The following PCDHGA4 variants were observed in gnomAD, a reference collection of about 807,000 sequenced individuals.
PCDHGA4 encodes protocadherin gamma-A4.
In PCDHGA4, 38 loss-of-function variants were observed where a neutral mutation model predicts 54.6. The ratio of observed to expected loss-of-function variants is 0.70; its 90% CI spans 0.54 to 0.91. PCDHGA4 has a LOEUF of 0.91. PCDHGA4 is among the 40% of genes least tolerant of loss of function. The probability of loss-of-function intolerance (pLI) is 0.00; values close to 1 mark genes in which losing one functional copy is unlikely to be tolerated. For synonymous variants in PCDHGA4, 511 were observed against 512.9 expected (o/e 1.00, Z 0.05); for missense variants, 1,298 against 1,220.9 (o/e 1.06, Z -0.94).
At chr5:141,402,491 A>T (rs1186098298) in intron 1 of PCDHGA4, among the ~76,000 whole-genome samples, 1 of 152,242 alleles carries the variant, frequency 6.6e-6, no homozygotes, top group Non-Finnish European at 1.5e-5. Flanking sequence ...TCTACCAAGA[A>T]TAAGAATAAA....
chr5:141,466,769 T>C (rs760924688), intron 1 of PCDHGA4, among the ~76,000 whole-genome samples: 1 of 152,198 alleles, frequency 6.6e-6, no homozygotes, highest in African/African-American at 2.4e-5. Flanking sequence ...CAAACTGTTA[T>C]CTTATTCTTC....
chr5:141,427,481 C>G, intron 1 of PCDHGA4: 2 of 534,060 alleles, frequency 3.7e-6, no homozygotes, highest in Non-Finnish European at 7.2e-6. Flanking sequence ...CCAATAATGA[C>G]TATAAGCTTG....
At chr5:141,389,985 T>C (rs754723585) in intron 1 of PCDHGA4, 5 of 1,614,006 alleles carry the variant, frequency 3.1e-6, no homozygotes, top group Non-Finnish European at 4.2e-6. Flanking sequence ...CTCAGTGCTC[T>C]TCCTCGTGGC....
rs369227893 is a variant in PCDHGA4, at chr5:141,419,063, T to A, written c.2514+61442T>A. 47 of 1,613,840 alleles carry A rather than the reference T, an allele frequency of 2.9e-5. No homozygotes were observed. The highest frequency in any genetic ancestry group is 4.0e-5 in the Non-Finnish European group (47 of 1,179,904). On this transcript the variant is annotated intron_variant, in intron 1 of 3. Coordinates refer to ENST00000571252, the MANE Select transcript of PCDHGA4 (RefSeq NM_018917.4). ...GATTCATTCTTCTTCTAATAATTACTACAAGCTAGTAACAGATGAGGCCCT... is the reference window on the plus strand; with the variant it reads ...GATTCATTCTTCTTCTAATAATTACAACAAGCTAGTAACAGATGAGGCCCT...
At chr5:141,481,357 G>A (rs1399668487) in intron 1 of PCDHGA4, among the ~76,000 whole-genome samples, 1 of 152,176 alleles carries the variant, frequency 6.6e-6, no homozygotes, top group Non-Finnish European at 1.5e-5. Context: ...ATCTACAGCT[G>A]TTCAATAGAT....
intron 1 of PCDHGA4, among the ~76,000 whole-genome samples, chr5:141,387,483 C>G (rs771352001): frequency 6.6e-6 from 1 of 152,204 alleles, no homozygotes; most frequent in Non-Finnish European, 1.5e-5. Flanking sequence ...GGGATGAAGG[C>G]ATTCCTAAGA....
chr5:141,485,982 A>G lies in PCDHGA4; in HGVS notation c.2515-8825A>G. 6.2e-7 allele frequency: 1 copy of G among 1,614,156 alleles called. No homozygotes were observed. The highest frequency in any genetic ancestry group is 8.5e-7 in the Non-Finnish European group (1 of 1,180,020). ...ATCCAGCTCAATGCCTCAGACCCGG[A>G]CCTGGGTCCCAGTGGTAACGTCACC... On this transcript the variant is annotated intron_variant, in intron 1 of 3. Coordinates refer to ENST00000571252, the MANE Select transcript of PCDHGA4 (RefSeq NM_018917.4). The surrounding 1 kb of genome is among the most constrained non-coding windows in gnomAD (Gnocchi z 5.7).
rs375487349 is a variant in PCDHGA4 at position 141,383,260 on chromosome 5, G to A, written c.2514+25639G>A. The A allele has an allele frequency of 7.3e-5, 118 of 1,613,782 alleles. 1 individual carries two copies. In the East Asian group the frequency reaches 2.5e-3, roughly 35 times the overall value. On this transcript the variant is annotated intron_variant, in intron 1 of 3. Coordinates refer to ENST00000571252, the MANE Select transcript of PCDHGA4 (RefSeq NM_018917.4). The stretch of plus-strand genomic sequence containing the variant: ...TAAAATGAATCTTTACCCTATAGAC[G>A]TGGAAATAATAGATATTAATGACAA...
At chr5:141,448,639 T>C (rs1248697237) in intron 1 of PCDHGA4, among the ~76,000 whole-genome samples, 1 of 152,148 alleles carries the variant, frequency 6.6e-6, no homozygotes, top group Non-Finnish European at 1.5e-5. Context: ...CATTATATCC[T>C]TTAAAAATAT....
intron 1 of PCDHGA4, chr5:141,366,852 A>T (rs1764825347): frequency 7.0e-7 from 1 of 1,434,404 alleles, no homozygotes; most frequent in Non-Finnish European, 9.4e-7. Context: ...TAAATAGTGG[A>T]ACATTATTTG....
intron 1 of PCDHGA4, chr5:141,413,123 AAACACAC>A (rs2095606041): frequency 2.0e-6 from 3 of 1,526,818 alleles, no homozygotes; most frequent in Middle Eastern, 3.6e-4. Context: ...GAACCGGTTG[AAACACAC>A]AACGTGTCCA....
At chr5:141,361,514 A>C (rs765118611) in intron 1 of PCDHGA4, 1 of 1,614,028 alleles carries the variant, frequency 6.2e-7, no homozygotes. Context: ...TACATGGTTC[A>C]CGTGGCAGAG....
intron 1 of PCDHGA4, among the ~76,000 whole-genome samples, chr5:141,451,284 G>C (rs950768919): frequency 2.6e-5 from 4 of 152,186 alleles, no homozygotes; most frequent in African/African-American, 9.7e-5. Flanking sequence ...GAGTGCCTCT[G>C]CCTCAAAGTC....
Position 141,431,205 on chromosome 5 carries a change from A to T in PCDHGA4, c.2515-63602A>T, listed in dbSNP as rs1438031040. ...AAAATTAGTGAAAATGCAGCCACTG[A>T]GATGCGGTTCCCTCTACCCCACGCC... On this transcript the variant is annotated intron_variant, in intron 1 of 3. Transcript: ENST00000571252. This position sits in a 1 kb window ranked among gnomAD's most constrained non-coding sequence, Gnocchi z 4.8. 1.1e-5 allele frequency: 18 copies of T among 1,614,092 alleles called. No homozygotes were observed. Among genetic ancestry groups the T allele is most frequent in the Non-Finnish European group, 1.5e-5 (18 of 1,180,056 alleles).
intron 1 of PCDHGA4, among the ~76,000 whole-genome samples, chr5:141,449,929 T>C (rs2098659723): frequency 6.6e-6 from 1 of 151,912 alleles, no homozygotes; most frequent in Non-Finnish European, 1.5e-5. Context: ...TACCATACCT[T>C]ATAGTATATT....
At chr5:141,418,348 T>C in intron 1 of PCDHGA4, 4 of 1,613,982 alleles carry the variant, frequency 2.5e-6, no homozygotes, top group Non-Finnish European at 3.4e-6. Context: ...CTGATATTAG[T>C]ATGAATTCGC....
intron 1 of PCDHGA4, chr5:141,393,238 T>A: frequency 1.2e-6 from 2 of 1,613,734 alleles, no homozygotes; most frequent in Non-Finnish European, 8.5e-7. Context: ...GAAGTAAAAA[T>A]TAACGAAATC....
intron 1 of PCDHGA4, chr5:141,430,844 A>C: frequency 6.4e-7 from 1 of 1,571,464 alleles, no homozygotes; most frequent in Non-Finnish European, 8.6e-7. Flanking sequence ...GACCGGATGC[A>C]CCCAGATACG....
At chr5:141,468,191 G>A (rs1420885521) in intron 1 of PCDHGA4, among the ~76,000 whole-genome samples, 1 of 151,860 alleles carries the variant, frequency 6.6e-6, no homozygotes, top group African/African-American at 2.4e-5. Flanking sequence ...TGGGCATGGT[G>A]GCGGGTGCCT....
Sources: gnomAD v4.1 joint callset for allele counts (sites outside exome capture counted in the v4.1 genomes callset) on GRCh38, gnomAD v4.1.1 for gene constraint, Gnocchi (gnomAD v3.1) non-coding constraint, MANE v1.5 for transcripts, NCBI Gene and HGNC (gene_info 2026-07-23, HGNC 2026-07-21) for gene names.